DNAJC4: variants seen among roughly 807,000 people sequenced by gnomAD.
The protein encoded by DNAJC4 is dnaJ homolog subfamily C member 4.
DNAJC4 carries 26 observed loss-of-function variants against 26.8 expected under a neutral mutation model. That is an observed-to-expected ratio of 0.97 (90% CI 0.71 to 1.34). The LOEUF (loss-of-function observed/expected upper bound fraction) is 1.34. Ranked by LOEUF, DNAJC4 falls within the 40% of genes most tolerant of loss-of-function variation. DNAJC4 has a pLI of 0.00. For missense variants in DNAJC4, 342 were observed against 321.1 expected, an observed-to-expected ratio of 1.07 and a Z score of -0.50; for synonymous variants, 134 against 127.8, an observed-to-expected ratio of 1.05 and a Z score of -0.33.
chr11:64,231,803 C>G (rs1947179724), intron 1 of DNAJC4, 68 bp from the exon 2 acceptor site: 74 of 1,506,990 alleles, frequency 4.9e-5, no homozygotes, highest in Non-Finnish European at 4.7e-5. Flanking sequence ...GGGTGTGGCC[C>G]AGAAGGCAGG....
chr11:64,231,704 C>T, intron 1 of DNAJC4, 167 bp from the exon 2 acceptor site: 1 of 615,192 alleles, frequency 1.6e-6, no homozygotes, highest in Non-Finnish European at 2.9e-6. Context: ...TGCACTATGC[C>T]TGAAACACTC....
chr11:64,231,189 G>A, intron 1 of DNAJC4: 1 of 660,862 alleles, frequency 1.5e-6, no homozygotes, highest in Non-Finnish European at 2.8e-6. Flanking sequence ...TGGTTTCCAA[G>A]CATCGCTGTA....
Position 64,230,635 on chromosome 11 carries a change from G to A in DNAJC4, c.-220G>A. 1 of 665,932 alleles carries A rather than the reference G, an allele frequency of 1.5e-6. No individual in the cohort carries two copies. The highest frequency in any genetic ancestry group is 2.6e-6 in the Non-Finnish European group (1 of 386,784). The allele number at this position is 665,932 out of a possible 1,614,324, so 41.3% of individuals were successfully genotyped here. A position where few individuals can be genotyped will look rare whatever the true frequency, so the allele number is the denominator to read the frequency against. On this transcript the variant is annotated 5_prime_UTR_variant, in exon 1 of 6. Coordinates refer to ENST00000628077, the MANE Select transcript of DNAJC4 (RefSeq NM_005528.4). ...TGGCCAGACCCCGAAGCCAGCGCTGGGAAGGGCTGCGGATGCCCGGGTCAG... is the reference window on the plus strand; with the variant it reads ...TGGCCAGACCCCGAAGCCAGCGCTGAGAAGGGCTGCGGATGCCCGGGTCAG...
Position 64,233,994 on chromosome 11 carries a change from CT to C in DNAJC4, c.614+15del, listed in dbSNP as rs1947212063. On this transcript the variant is annotated intron_variant, in intron 5 of 5. Coordinates refer to ENST00000628077, the MANE Select transcript of DNAJC4 (RefSeq NM_005528.4). ...GGCACGGGCCAGGTCTGTCCCTGCT[CT>C]ATTCTGCTCCCTGCTCCCTGTCCAG... 3 of 1,613,946 alleles carry C rather than the reference CT, an allele frequency of 1.9e-6. No homozygotes were observed. The highest frequency in any genetic ancestry group is 2.5e-6 in the Non-Finnish European group (3 of 1,180,036).
In DNAJC4 at chr11:64,230,902, C is replaced by T. The variant is rs767021468; in HGVS notation, c.48C>T (p.Asn16=). 28 of 1,588,594 alleles carry T rather than the reference C, an allele frequency of 1.8e-5. No homozygotes were observed. The South Asian group carries it at 2.8e-4, about 16-fold the overall frequency. Residue 16 remains asparagine (N), a synonymous_variant, in exon 1 of 6, where the codon AAC becomes AAT. Transcript: ENST00000628077. ...PLRLCRLWPR[N]PPSRLLGAAA... is the part of the protein sequence containing the mutation. ...GCCTGTGCCGGCTGTGGCCCCGCAA[C>T]CCTCCCTCCCGGCTCCTCGGAGCGG...
chr11:64,230,502 G>T (rs58040631), upstream of DNAJC4: 3 of 568,686 alleles, frequency 5.3e-6, no homozygotes, highest in East Asian at 8.0e-5. Flanking sequence ...AGGAAATGGC[G>T]ACGGCCGCGG....
chr11:64,232,949 C>T, intron 4 of DNAJC4, 84 bp downstream of exon 4: 1 of 1,427,986 alleles, frequency 7.0e-7, no homozygotes, highest in Non-Finnish European at 9.3e-7. Context: ...CTCCACAGCA[C>T]CTCGTGGCCC....
In DNAJC4 at chr11:64,232,725, A is replaced by T. The variant is rs1475910295; in HGVS notation, c.387A>T (p.Ala129=). ...QTHSSWTPPN[A]QYWSQFHSVR... ...GCAGCTCCTGGACACCCCCCAACGCACAGTACTGGTCCCAGTTTCACAGCG... is the reference window on the plus strand; with the variant it reads ...GCAGCTCCTGGACACCCCCCAACGCTCAGTACTGGTCCCAGTTTCACAGCG... Residue 129 remains alanine (A), a synonymous_variant, in exon 4 of 6, where the codon GCA becomes GCT. Transcript: ENST00000628077. 4.4e-6 allele frequency: 7 copies of T among 1,605,590 alleles called. No individual in the cohort carries two copies. In the East Asian group the frequency reaches 1.6e-4, roughly 36 times the overall value.
rs746723405 is a variant in DNAJC4 at position 64,234,144 on chromosome 11, C to A, written c.686C>A (p.Thr229Asn). ...CGGCAGCCGCCACCATCCGAGCCAA[C>A]CCAAGGCCCCGAGATCGTGCCCCGG... ...GQRQPPPSEP[T>N]QGPEIVPRGA... Residue 229 changes from threonine to asparagine, a missense_variant, in exon 6 of 6, where the codon ACC becomes AAC. Coordinates refer to ENST00000628077, the MANE Select transcript of DNAJC4 (RefSeq NM_005528.4). The surrounding 1 kb of genome is among the most constrained non-coding windows in gnomAD (Gnocchi z 5.3). The A allele has an allele frequency of 6.3e-7, 1 of 1,594,308 alleles. No individual in the cohort carries two copies. Among genetic ancestry groups the A allele is most frequent in the East Asian group, 2.3e-5 (1 of 44,324 alleles).
Position 64,233,974 on chromosome 11 carries a change from G to C in DNAJC4, c.608G>C (p.Arg203Pro), listed in dbSNP as rs371249986. ...ITAFYNEARA[R>P]ARANRGILQQ... ...GCCTTCTACAACGAAGCCCGGGCACGGGCCAGGTCTGTCCCTGCTCTATTC... is the reference window on the plus strand; with the variant it reads ...GCCTTCTACAACGAAGCCCGGGCACCGGCCAGGTCTGTCCCTGCTCTATTC... The change falls in exon 5 of 6, where the codon CGG becomes CCG. Residue 203 changes from arginine to proline, a missense_variant. Transcript: ENST00000628077. 6.2e-7 allele frequency: 1 copy of C among 1,614,022 alleles called. No individual in the cohort carries two copies. Among genetic ancestry groups the C allele is most frequent in the East Asian group, 2.2e-5 (1 of 44,866 alleles).
intron 4 of DNAJC4, chr11:64,233,627 A>G (rs1394745126): frequency 3.7e-6 from 2 of 541,914 alleles, no homozygotes; most frequent in East Asian, 6.1e-5. Flanking sequence ...TTAGACGCAT[A>G]CCCTTTCTAG....
rs764733432 is a variant in DNAJC4 at position 64,232,414 on chromosome 11, T to C, written c.181-16T>C. 3.2e-6 allele frequency: 5 copies of C among 1,555,924 alleles called. No homozygotes were observed. The highest frequency in any genetic ancestry group is 3.5e-6 in the Non-Finnish European group (4 of 1,149,602). Reference sequence around the variant, plus strand: ...GACAGGCAAAGGGAGATAAGGGGAGTCCTGCCCCACCCCAGCTGCACCCAG... The same window carrying C: ...GACAGGCAAAGGGAGATAAGGGGAGCCCTGCCCCACCCCAGCTGCACCCAG... On this transcript the variant is annotated splice_polypyrimidine_tract_variant and intron_variant, in intron 2 of 5. Transcript: ENST00000628077.
chr11:64,231,607 C>T (rs1947176884), intron 1 of DNAJC4: 1 of 388,288 alleles, frequency 2.6e-6, no homozygotes, highest in Non-Finnish European at 4.7e-6. Context: ...TCCCAAAATG[C>T]TGGATTACAG....
At position 64,234,171 on chromosome 11, in the gene DNAJC4, G is replaced by T. The variant is rs757590685; in HGVS notation, c.713G>T (p.Gly238Val). 3.8e-6 allele frequency: 6 copies of T among 1,569,328 alleles called. No individual in the cohort carries two copies. The highest frequency in any genetic ancestry group is 2.3e-5 in the East Asian group (1 of 43,368). ...CAAGGCCCCGAGATCGTGCCCCGGG[G>T]CGCCGGCCCCTGAGGGGCTCACCTG... ...PTQGPEIVPR[G>V]AGP The change falls in exon 6 of 6, where the codon GGC (glycine) becomes GTC (valine). Residue 238 changes from glycine to valine, a missense_variant. Coordinates refer to ENST00000628077, the MANE Select transcript of DNAJC4 (RefSeq NM_005528.4). This position sits in a 1 kb window ranked among gnomAD's most constrained non-coding sequence, Gnocchi z 5.3.
Position 64,230,718 on chromosome 11 carries a change from T to G in DNAJC4, c.-137T>G. 8.0e-7 allele frequency: 1 copy of G among 1,254,530 alleles called. No individual in the cohort carries two copies. The highest frequency in any genetic ancestry group is 2.1e-5 in the Admixed American group (1 of 48,256). 77.7% of individuals were successfully genotyped at this position (1,254,530 alleles called of 1,614,324 possible). On this transcript the variant is annotated 5_prime_UTR_variant, in exon 1 of 6. Coordinates refer to ENST00000628077, the MANE Select transcript of DNAJC4 (RefSeq NM_005528.4). The stretch of plus-strand genomic sequence containing the variant: ...GGTCCTGGGCAAGAACCGCCCCCTC[T>G]CCGGGCCTGCTTCAGTCTTCCTTTG...
intron 2 of DNAJC4, 25 bp from the exon 3 acceptor site, chr11:64,232,405 T>A (rs1183879550): frequency 2.6e-6 from 4 of 1,544,594 alleles, no homozygotes; most frequent in Non-Finnish European, 1.7e-6. Flanking sequence ...CAAAGGGAGA[T>A]AAGGGGAGTC....
Position 64,230,892 on chromosome 11 carries a change from G to T in DNAJC4, c.38G>T (p.Trp13Leu). ...CTGCCCCTGCGCCTGTGCCGGCTGTGGCCCCGCAACCCTCCCTCCCGGCTC... is the reference window on the plus strand; with the variant it reads ...CTGCCCCTGCGCCTGTGCCGGCTGTTGCCCCGCAACCCTCCCTCCCGGCTC... ...PLLPLRLCRL[W>L]PRNPPSRLLG... Residue 13 changes from tryptophan (W) to leucine (L), a missense_variant, in exon 1 of 6, where the codon TGG becomes TTG. Transcript: ENST00000628077. The T allele has an allele frequency of 6.3e-7, 1 of 1,594,400 alleles. No individual in the cohort carries two copies. The highest frequency in any genetic ancestry group is 1.1e-5 in the South Asian group (1 of 89,086).
chr11:64,231,199 A>G, intron 1 of DNAJC4: 1 of 643,306 alleles, frequency 1.6e-6, no homozygotes, highest in Non-Finnish European at 2.9e-6. Context: ...GCATCGCTGT[A>G]TCACTGTGCA....
At chr11:64,231,080 T>A (rs1303907783) in intron 1 of DNAJC4, 140 bp downstream of exon 1, 1 of 1,148,420 alleles carries the variant, frequency 8.7e-7, no homozygotes, top group Non-Finnish European at 1.3e-6. Context: ...CTGCTGAGGA[T>A]CAGAGATAGA....
Sources: allele counts gnomAD v4.1 joint callset, GRCh38; gene constraint gnomAD v4.1.1; non-coding constraint Gnocchi (gnomAD v3.1); transcripts MANE v1.5; gene names NCBI Gene and HGNC (gene_info 2026-07-23, HGNC 2026-07-21).